The following RBMS3 variants were observed in gnomAD, a reference collection of about 807,000 sequenced individuals.
RBMS3 encodes RNA-binding motif, single-stranded-interacting protein 3.
RBMS3 carries 27 observed loss-of-function variants against 66.8 expected under a neutral mutation model. The observed-to-expected ratio is 0.40, with a 90% CI of 0.30 to 0.56. The LOEUF (loss-of-function observed/expected upper bound fraction) is 0.56. Among genes scored for constraint, RBMS3 ranks in the 20% least tolerant of loss-of-function variants. The pLI, the probability that RBMS3 is intolerant of heterozygous loss-of-function variation, is 0.40. For missense variants in RBMS3, 513 were observed against 549.5 expected (o/e 0.93, Z 0.66); for synonymous variants, 188 against 183.0 (o/e 1.03, Z -0.22).
chr3:29,944,454 G>A (rs899776076), intron 12 of RBMS3, among the ~76,000 whole-genome samples, 200 bp downstream of exon 12: 1 of 151,604 alleles, frequency 6.6e-6, no homozygotes, highest in Non-Finnish European at 1.5e-5. Flanking sequence ...GAAAATAAAT[G>A]TGTTGCATTT....
At chr3:29,713,566 C>T (rs769795570) in intron 4 of RBMS3, among the ~76,000 whole-genome samples, 3 of 152,162 alleles carry the variant, frequency 2.0e-5, no homozygotes, top group Non-Finnish European at 4.4e-5. Flanking sequence ...TATACATGCA[C>T]TGATTTAGTT....
At chr3:29,585,317 C>G (rs1442468584) in intron 3 of RBMS3, among the ~76,000 whole-genome samples, 1 of 152,064 alleles carries the variant, frequency 6.6e-6, no homozygotes, top group Admixed American at 6.6e-5. Context: ...TTGTTTTATT[C>G]CATGCCATTT....
At chr3:29,992,443 T>A (rs946146882) in intron 14 of RBMS3, among the ~76,000 whole-genome samples, 2 of 151,410 alleles carry the variant, frequency 1.3e-5, no homozygotes, top group African/African-American at 4.9e-5. Flanking sequence ...AAAACTTAGC[T>A]GGGCATGGTG....
At chr3:29,439,753 C>A (rs1050224071) in intron 2 of RBMS3, among the ~76,000 whole-genome samples, 6 of 152,158 alleles carry the variant, frequency 3.9e-5, no homozygotes, top group Middle Eastern at 3.4e-3. Flanking sequence ...TGCTATCCCT[C>A]CCCCCTTTTT....
chr3:29,948,986 A>G (rs1036997357), intron 12 of RBMS3, among the ~76,000 whole-genome samples: 4 of 151,866 alleles, frequency 2.6e-5, no homozygotes, highest in African/African-American at 9.6e-5. Flanking sequence ...GACTCTGTAC[A>G]TGATATGTGC....
intron 3 of RBMS3, among the ~76,000 whole-genome samples, chr3:29,528,229 C>G (rs1042393825): frequency 1.3e-5 from 2 of 151,456 alleles, no homozygotes; most frequent in Non-Finnish European, 2.9e-5. Context: ...TCTCCTTCCT[C>G]AGCCTCTCAA....
At chr3:29,570,162 T>C (rs2149065138) in intron 3 of RBMS3, among the ~76,000 whole-genome samples, 1 of 152,256 alleles carries the variant, frequency 6.6e-6, no homozygotes, top group African/African-American at 2.4e-5. Flanking sequence ...AAAAAATCAA[T>C]AGTCATTTTC....
chr3:29,898,731 A>ATG (rs1265286069), intron 9 of RBMS3, among the ~76,000 whole-genome samples: 2 of 112,318 alleles, frequency 1.8e-5, no homozygotes, highest in African/African-American at 4.2e-5. Flanking sequence ...CCTGGTTGTA[A>ATG]TGTGCGTGTG....
chr3:29,446,866 A>G (rs1478793664), intron 2 of RBMS3, among the ~76,000 whole-genome samples: 1 of 142,406 alleles, frequency 7.0e-6, no homozygotes, highest in Non-Finnish European at 1.5e-5. Flanking sequence ...TACATAGCAT[A>G]TATTTAAGGA....
chr3:29,805,429 A>G (rs1202222184), intron 6 of RBMS3, among the ~76,000 whole-genome samples: 1 of 152,096 alleles, frequency 6.6e-6, no homozygotes, highest in Non-Finnish European at 1.5e-5. Context: ...AAGTAATTGT[A>G]AATAGCCTCA....
chr3:29,458,542 T>G (rs1208517027), intron 2 of RBMS3, among the ~76,000 whole-genome samples: 5 of 152,234 alleles, frequency 3.3e-5, no homozygotes, highest in Non-Finnish European at 7.3e-5. Flanking sequence ...TCTAGATTAC[T>G]TGTAATACCT....
chr3:29,580,178 C>T (rs549030553), intron 3 of RBMS3, among the ~76,000 whole-genome samples: 9 of 152,276 alleles, frequency 5.9e-5, no homozygotes, highest in African/African-American at 1.7e-4. Context: ...TTCCTTTTCC[C>T]CAGTCCTTAT....
chr3:29,664,514 ATT>A (rs2050678351), intron 4 of RBMS3, among the ~76,000 whole-genome samples: 2 of 151,996 alleles, frequency 1.3e-5, no homozygotes, highest in Non-Finnish European at 2.9e-5. Context: ...GTGACAAGTC[ATT>A]TACTATGACT....
chr3:29,590,554 A>T (rs2047692904), intron 4 of RBMS3, among the ~76,000 whole-genome samples: 2 of 151,940 alleles, frequency 1.3e-5, no homozygotes, highest in Admixed American at 1.3e-4. Context: ...AATATTGGAG[A>T]ATGAAGATTG....
chr3:29,637,616 C>G (rs968716954), intron 4 of RBMS3, among the ~76,000 whole-genome samples: 1 of 151,830 alleles, frequency 6.6e-6, no homozygotes, highest in African/African-American at 2.4e-5. Context: ...TTTCTGTTAT[C>G]ATCAGGCAAG....
chr3:29,923,795 T>C (rs1406655782), intron 10 of RBMS3, among the ~76,000 whole-genome samples: 1 of 152,194 alleles, frequency 6.6e-6, no homozygotes, highest in East Asian at 1.9e-4. Flanking sequence ...ATAAAAATGC[T>C]ATGTCACCAA....
chr3:29,820,308 A>G (rs1209403483), intron 6 of RBMS3, among the ~76,000 whole-genome samples: 1 of 151,022 alleles, frequency 6.6e-6, no homozygotes, highest in Admixed American at 6.7e-5. Context: ...GTTGCCAAAA[A>G]ATAGACTTTA....
At chr3:29,509,603 T>C (rs997496115) in intron 3 of RBMS3, among the ~76,000 whole-genome samples, 1 of 152,182 alleles carries the variant, frequency 6.6e-6, no homozygotes, top group Non-Finnish European at 1.5e-5. Context: ...TGTGTGCTCT[T>C]CCTTGACTTG....
intron 10 of RBMS3, among the ~76,000 whole-genome samples, chr3:29,925,840 T>C (rs1344318409): frequency 6.6e-6 from 1 of 152,132 alleles, no homozygotes; most frequent in African/African-American, 2.4e-5. Flanking sequence ...GGTAGTAGAG[T>C]TTAAGAACAT....
Sources: allele counts gnomAD v4.1 joint callset (sites outside exome capture counted in the v4.1 genomes callset), GRCh38; gene constraint gnomAD v4.1.1; transcripts MANE v1.5; gene names NCBI Gene and HGNC (gene_info 2026-07-23, HGNC 2026-07-21).